The following GALNT11 variants were observed in gnomAD, a reference collection of about 807,000 sequenced individuals.
The protein encoded by GALNT11 is polypeptide N-acetylgalactosaminyltransferase 11, also known as UDP-GalNAc:polypeptide N-acetylgalactosaminyltransferase 11.
A neutral mutation model predicts 72.7 loss-of-function variants in GALNT11; 47 were observed. That is an observed-to-expected ratio of 0.65 (90% CI 0.51 to 0.82). GALNT11 has a LOEUF of 0.82. Ranked by LOEUF, GALNT11 falls within the 40% of genes least tolerant of loss-of-function variation. The probability of loss-of-function intolerance (pLI) is 0.00; values close to 1 mark genes in which losing one functional copy is unlikely to be tolerated. For missense variants in GALNT11, 677 were observed against 778.4 expected, an observed-to-expected ratio of 0.87 and a Z score of 1.55; for synonymous variants, 270 against 286.6, an observed-to-expected ratio of 0.94 and a Z score of 0.58.
intron 1 of GALNT11, among the ~76,000 whole-genome samples, chr7:152,026,106 G>A (rs1055264310): frequency 1.3e-5 from 2 of 152,120 alleles, no homozygotes; most frequent in Admixed American, 1.3e-4. Flanking sequence ...TTGTTCGCGG[G>A]CGTGGGGGCG....
chr7:152,120,786 T>A (rs372659520), intron 10 of GALNT11, 45 bp from the exon 11 acceptor site: 7 of 1,490,544 alleles, frequency 4.7e-6, no homozygotes, highest in Non-Finnish European at 6.5e-6. Context: ...TGTTGTTCAG[T>A]CTTAAAATTC....
intron 1 of GALNT11, among the ~76,000 whole-genome samples, chr7:152,040,698 G>A (rs1268660819): frequency 6.6e-6 from 1 of 152,158 alleles, no homozygotes; most frequent in African/African-American, 2.4e-5. Flanking sequence ...AATTAACTGT[G>A]TGGAATGAAC....
intron 1 of GALNT11, among the ~76,000 whole-genome samples, chr7:152,088,016 A>G (rs2085762550): frequency 6.6e-6 from 1 of 152,234 alleles, no homozygotes; most frequent in Non-Finnish European, 1.5e-5. Flanking sequence ...GCTGTGCATC[A>G]GAGTTAACTT....
At chr7:152,044,037 G>T (rs1245332664) in intron 1 of GALNT11, among the ~76,000 whole-genome samples, 1 of 152,134 alleles carries the variant, frequency 6.6e-6, no homozygotes, top group Non-Finnish European at 1.5e-5. Context: ...CCACGTATGG[G>T]CATTACTTGC....
chr7:152,041,879 TC>T (rs1437113710), intron 1 of GALNT11, among the ~76,000 whole-genome samples: 1 of 152,196 alleles, frequency 6.6e-6, no homozygotes, highest in Non-Finnish European at 1.5e-5. Flanking sequence ...TTTACTAAGG[TC>T]CCCAAGTAGG....
At chr7:152,068,412 T>C (rs2084439879) in intron 1 of GALNT11, among the ~76,000 whole-genome samples, 1 of 152,226 alleles carries the variant, frequency 6.6e-6, no homozygotes, top group South Asian at 2.1e-4. Flanking sequence ...CATTCATCTT[T>C]TGAGGGACCT....
chr7:152,065,118 A>G (rs556095161), intron 1 of GALNT11, among the ~76,000 whole-genome samples: 1 of 152,234 alleles, frequency 6.6e-6, no homozygotes, highest in South Asian at 2.1e-4. Context: ...GTCTTTTCAC[A>G]TAGTCTCATA....
At position 152,080,211 on chromosome 7, in the gene GALNT11, T is replaced by G. The variant is rs1243469880; in HGVS notation, c.-38-13979T>G. 2.0e-5 allele frequency among the ~76,000 whole-genome samples: 3 copies of G among 152,390 alleles called. No individual in the cohort carries two copies. In the East Asian group the frequency reaches 5.8e-4, roughly 29 times the overall value. On this transcript the variant is annotated intron_variant, in intron 1 of 11. Coordinates refer to ENST00000430044, the MANE Select transcript of GALNT11 (RefSeq NM_022087.4). ...AAATTGATGGAATTAAAATATTCTT[T>G]CGGTGTGCTTAAACCTGCTCATTTT...
At chr7:152,059,512 G>A (rs569852912) in intron 1 of GALNT11, among the ~76,000 whole-genome samples, 12 of 152,190 alleles carry the variant, frequency 7.9e-5, no homozygotes, top group Middle Eastern at 3.4e-3. Context: ...ATAGTCTTAC[G>A]CAATTTATTT....
intron 11 of GALNT11, 115 bp downstream of exon 11, chr7:152,121,083 AC>A: frequency 7.8e-7 from 1 of 1,275,188 alleles, no homozygotes; most frequent in East Asian, 2.5e-5. Context: ...AGTCTGCAGT[AC>A]AGTGGTCCCC....
chr7:152,051,418 A>T (rs1487658109), intron 1 of GALNT11, among the ~76,000 whole-genome samples: 9 of 151,786 alleles, frequency 5.9e-5, no homozygotes, highest in Admixed American at 5.9e-4. Flanking sequence ...CCACCCTCCA[A>T]TTCTGGTAGA....
intron 1 of GALNT11, among the ~76,000 whole-genome samples, chr7:152,055,064 G>C (rs1178095749): frequency 4.6e-5 from 7 of 152,196 alleles, no homozygotes; most frequent in Non-Finnish European, 7.3e-5. Context: ...TGAGTCCAAA[G>C]GCAGCGCGGG....
chr7:152,080,045 T>C (rs78766872), intron 1 of GALNT11, among the ~76,000 whole-genome samples: 2 of 152,336 alleles, frequency 1.3e-5, no homozygotes, highest in East Asian at 3.8e-4. Flanking sequence ...ATTTTCTCAT[T>C]AGTCTTGTGG....
chr7:152,099,531 T>TC (rs2086647294), intron 2 of GALNT11, among the ~76,000 whole-genome samples: 3 of 71,734 alleles, frequency 4.2e-5, no homozygotes, highest in African/African-American at 7.7e-5. Flanking sequence ...TCCCGCCTAG[T>TC]TTTTTTTTTT....
At chr7:152,034,921 G>A (rs1322621838) in intron 1 of GALNT11, among the ~76,000 whole-genome samples, 1 of 152,106 alleles carries the variant, frequency 6.6e-6, no homozygotes, top group Non-Finnish European at 1.5e-5. Flanking sequence ...GGCCCTTACT[G>A]ATGCATTCTC....
intron 1 of GALNT11, among the ~76,000 whole-genome samples, chr7:152,037,289 G>T (rs2082626745): frequency 6.6e-6 from 1 of 152,136 alleles, no homozygotes; most frequent in Admixed American, 6.5e-5. Flanking sequence ...TGTATATCGA[G>T]TTTTCGCAGC....
In GALNT11 at chr7:152,103,163, C is replaced by T; in HGVS notation, c.471C>T (p.Ile157=). 6.2e-7 allele frequency: 1 copy of T among 1,612,336 alleles called. No homozygotes were observed. Among genetic ancestry groups the T allele is most frequent in the Non-Finnish European group, 8.5e-7 (1 of 1,179,026 alleles). The stretch of plus-strand genomic sequence containing the variant: ...ACCTGCCAGCTGCTAGTGTTGTTAT[C>T]TGTTTCTATAATGAAGCGTTTTCTG... ...PPDLPAASVV[I]CFYNEAFSAL... Residue 157 remains isoleucine (I), a synonymous_variant, in exon 4 of 12, where the codon ATC becomes ATT. Transcript: ENST00000430044.
intron 1 of GALNT11, among the ~76,000 whole-genome samples, chr7:152,038,492 T>C (rs1395667920): frequency 6.6e-6 from 1 of 152,236 alleles, no homozygotes; most frequent in Admixed American, 6.5e-5. Context: ...CTCATTCCGG[T>C]AAACCGACAA....
chr7:152,113,708 CTTTCTTTTTTTTTTTTTTTTT>C (rs1446325472), intron 8 of GALNT11, among the ~76,000 whole-genome samples: 1 of 94,446 alleles, frequency 1.1e-5, no homozygotes, highest in Admixed American at 1.1e-4. Flanking sequence ...CAAAAGTTGG[CTTTCTTTTTTTTTTTTTTTTT>C]TTTTTTTTTT....
Sources: gnomAD v4.1 joint callset for allele counts (sites outside exome capture counted in the v4.1 genomes callset) on GRCh38, gnomAD v4.1.1 for gene constraint, MANE v1.5 for transcripts, NCBI Gene and HGNC (gene_info 2026-07-23, HGNC 2026-07-21) for gene names.